Variants in RHOA observed in about 807,000 individuals in gnomAD.
RHOA encodes the protein transforming protein RhoA.
In RHOA, 3 loss-of-function variants were observed where a neutral mutation model predicts 17.5. That is an observed-to-expected ratio of 0.17 (90% CI 0.08 to 0.44). The LOEUF is 0.44. RHOA is among the 20% of genes least tolerant of loss of function. The pLI is 0.99. For missense variants in RHOA, 56 were observed against 242.3 expected, an observed-to-expected ratio of 0.23 and a Z score of 5.10; for synonymous variants, 98 against 88.4, an observed-to-expected ratio of 1.11 and a Z score of -0.61.
intron 1 of RHOA, among the ~76,000 whole-genome samples, chr3:49,398,967 G>C (rs996444638): frequency 7.0e-6 from 1 of 143,632 alleles, no homozygotes; most frequent in Non-Finnish European, 1.5e-5. Flanking sequence ...TGAGACAGGA[G>C]AATTGCTGCC....
chr3:49,404,916 G>A (rs1302641222), intron 1 of RHOA, among the ~76,000 whole-genome samples: 3 of 150,376 alleles, frequency 2.0e-5, no homozygotes, highest in Admixed American at 6.7e-5. Flanking sequence ...TCCAGCCTGG[G>A]CGACAGAGCG....
intron 1 of RHOA, among the ~76,000 whole-genome samples, chr3:49,377,939 A>G (rs937330445): frequency 6.6e-6 from 1 of 151,974 alleles, no homozygotes; most frequent in African/African-American, 2.4e-5. Context: ...ACTTGAGGTC[A>G]GGAGTTCGAG....
At chr3:49,369,005 CCTTTTTTTTTTTTTTTT>C (rs2048105141) in intron 2 of RHOA, among the ~76,000 whole-genome samples, 1 of 84,286 alleles carries the variant, frequency 1.2e-5, no homozygotes, top group African/African-American at 5.4e-5. Flanking sequence ...CCGCGCCTGG[CCTTTTTTTTTTTTTTTT>C]TTTTTTTTTT....
chr3:49,368,688 T>C, intron 2 of RHOA, 140 bp from the exon 3 acceptor site: 1 of 831,778 alleles, frequency 1.2e-6, no homozygotes, highest in South Asian at 1.8e-5. Flanking sequence ...CACAGGAGTA[T>C]TTACATTTTT....
chr3:49,399,830 T>C (rs184940255), intron 1 of RHOA, among the ~76,000 whole-genome samples: 2 of 152,204 alleles, frequency 1.3e-5, no homozygotes, highest in Non-Finnish European at 1.5e-5. Context: ...TTTTTAAATG[T>C]AGGGACTTTA....
intron 1 of RHOA, among the ~76,000 whole-genome samples, chr3:49,390,264 A>G (rs1213056027): frequency 6.6e-6 from 1 of 151,896 alleles, no homozygotes; most frequent in Non-Finnish European, 1.5e-5. Flanking sequence ...CCTTCTGAGT[A>G]GCTGGGACTA....
intron 1 of RHOA, among the ~76,000 whole-genome samples, chr3:49,399,054 CAAAAAAAAAAAAAAAAAAAAAAA>C (rs10530558): frequency 3.6e-4 from 9 of 24,830 alleles, no homozygotes; most frequent in Admixed American, 8.8e-4. Context: ...GACTCCGTCT[CAAAAAAAAAAAAAAAAAAAAAAA>C]AAAAAAAAAA....
At chr3:49,370,256 CA>C (rs1233804300) in intron 2 of RHOA, among the ~76,000 whole-genome samples, 1 of 151,800 alleles carries the variant, frequency 6.6e-6, no homozygotes, top group Non-Finnish European at 1.5e-5. Flanking sequence ...AGGAAAAAAA[CA>C]AAAAAACAAA....
intron 1 of RHOA, among the ~76,000 whole-genome samples, chr3:49,381,686 G>C (rs1184771296): frequency 6.6e-6 from 1 of 151,840 alleles, no homozygotes; most frequent in Non-Finnish European, 1.5e-5. Flanking sequence ...CCAACATGGT[G>C]AAACCCCATC....
chr3:49,388,950 T>G (rs2048448794), intron 1 of RHOA, among the ~76,000 whole-genome samples: 1 of 152,158 alleles, frequency 6.6e-6, no homozygotes, highest in African/African-American at 2.4e-5. Flanking sequence ...TGGATGAATC[T>G]TGAAAATACT....
intron 1 of RHOA, among the ~76,000 whole-genome samples, chr3:49,399,483 A>G (rs2048684090): frequency 6.6e-6 from 1 of 152,176 alleles, no homozygotes; most frequent in African/African-American, 2.4e-5. Flanking sequence ...GGCGGGATAC[A>G]TAGATATACA....
intron 1 of RHOA, among the ~76,000 whole-genome samples, chr3:49,407,947 G>A (rs1203750086): frequency 6.6e-6 from 1 of 152,060 alleles, no homozygotes; most frequent in Admixed American, 6.6e-5. Flanking sequence ...AGATCACAAG[G>A]CCAGGAGTTC....
At chr3:49,402,890 A>G (rs1453966971) in intron 1 of RHOA, among the ~76,000 whole-genome samples, 1 of 151,978 alleles carries the variant, frequency 6.6e-6, no homozygotes, top group African/African-American at 2.4e-5. Context: ...ACAAAAAATT[A>G]GCCGGGCGTG....
rs1259094624 is a variant in RHOA at position 49,393,729 on chromosome 3, T to TGAGAGAGA, written c.-3+18090_-3+18091insTCTCTCTC. ...GTGTGTGTGTGTGTGTGTGTGTGTG[T>TGAGAGAGA]GACAGAATCTCGCTCTGTCGCCCAG... On this transcript the variant is annotated intron_variant, in intron 1 of 4. Transcript: ENST00000418115. 1.5e-3 allele frequency among the ~76,000 whole-genome samples: 204 copies of TGAGAGAGA among 136,792 alleles called. 4 individuals carry two copies. The highest frequency in any genetic ancestry group is 5.3e-3 in the East Asian group (25 of 4,728). 89.7% of individuals were successfully genotyped at this position (136,792 alleles called of 152,430 possible). A position where few individuals can be genotyped will look rare whatever the true frequency, so the allele number is the denominator to read the frequency against.
chr3:49,367,385 T>C (rs1445271385), intron 3 of RHOA, among the ~76,000 whole-genome samples: 1 of 144,730 alleles, frequency 6.9e-6, no homozygotes, highest in East Asian at 2.3e-4. Flanking sequence ...ACTTACTGAC[T>C]TCTGAATTAT....
intron 1 of RHOA, among the ~76,000 whole-genome samples, chr3:49,388,009 T>C (rs530938953): frequency 2.0e-5 from 3 of 146,868 alleles, no homozygotes; most frequent in African/African-American, 7.4e-5. Context: ...GGCTTTCTCT[T>C]TTTTTTTTTT....
intron 1 of RHOA, among the ~76,000 whole-genome samples, chr3:49,393,635 G>A (rs1336834712): frequency 2.2e-5 from 2 of 91,824 alleles, no homozygotes; most frequent in Non-Finnish European, 4.1e-5. Context: ...TCAGCCTCAA[G>A]AACAGTTAGG....
At chr3:49,402,476 C>A (rs1430723063) in intron 1 of RHOA, among the ~76,000 whole-genome samples, 1 of 152,058 alleles carries the variant, frequency 6.6e-6, no homozygotes, top group Non-Finnish European at 1.5e-5. Flanking sequence ...GAGTTAGAGA[C>A]CAGCCTGGAC....
rs1047707169 is a variant in RHOA at position 49,404,863 on chromosome 3, C to T, written c.-3+6957G>A. Among the ~76,000 whole-genome samples the T allele has an allele frequency of 8.6e-5, 13 of 150,520 alleles. 1 individual carries two copies. The highest frequency in any genetic ancestry group is 6.3e-4 in the South Asian group (3 of 4,766). On this transcript the variant is annotated intron_variant, in intron 1 of 4. Transcript: ENST00000418115. ...CTAAGGCAGGAGAACCGCATGAACC[C>T]GGGAGGCAGAGTTTGCAGTGAGCCG...
Sources: allele counts gnomAD v4.1 joint callset (sites outside exome capture counted in the v4.1 genomes callset), GRCh38; gene constraint gnomAD v4.1.1; transcripts MANE v1.5; gene names NCBI Gene and HGNC (gene_info 2026-07-23, HGNC 2026-07-21).